The following SPAG1 variants were observed in gnomAD, a reference collection of about 807,000 sequenced individuals.
SPAG1 encodes the protein sperm-associated antigen 1.
A neutral mutation model predicts 100.5 loss-of-function variants in SPAG1; 69 were observed. That is an observed-to-expected ratio of 0.69 (90% confidence interval 0.57 to 0.84). SPAG1 has a LOEUF of 0.84. SPAG1 is among the 40% of genes least tolerant of loss of function. The pLI is 0.00. For synonymous variants in SPAG1, 336 were observed against 411.6 expected, an observed-to-expected ratio of 0.82 and a Z score of 2.22; for missense variants, 955 against 1,133.1, an observed-to-expected ratio of 0.84 and a Z score of 2.26.
Position 100,239,188 on chromosome 8 carries a change from T to C in SPAG1, c.2116-52T>C, listed in dbSNP as rs1223322338. Reference sequence around the variant, plus strand: ...TCCACCCCACTCCCACTCAGGTTACTCTAGGCTCCTTCTATTTATGAAAGT... The same window carrying C: ...TCCACCCCACTCCCACTCAGGTTACCCTAGGCTCCTTCTATTTATGAAAGT... On this transcript the variant is annotated intron_variant, in intron 16 of 18. Coordinates refer to ENST00000388798, the MANE Select transcript of SPAG1 (RefSeq NM_003114.5). The surrounding 1 kb of genome is among the most constrained non-coding windows in gnomAD (Gnocchi z 5.0). 1.6e-6 allele frequency: 2 copies of C among 1,236,024 alleles called. No homozygotes were observed. Among genetic ancestry groups the C allele is most frequent in the Non-Finnish European group, 2.2e-6 (2 of 888,926 alleles). The allele number at this position is 1,236,024 out of a possible 1,614,324, so 76.6% of individuals were successfully genotyped here. A position where few individuals can be genotyped will look rare whatever the true frequency, so the allele number is the denominator to read the frequency against.
At chr8:100,238,860 A>C (rs1379259753) in intron 16 of SPAG1, among the ~76,000 whole-genome samples, 1 of 152,250 alleles carries the variant, frequency 6.6e-6, no homozygotes, top group Non-Finnish European at 1.5e-5. Flanking sequence ...ACTGAAGCCC[A>C]GAAAGGTTAA....
At position 100,187,078 on chromosome 8, in the gene SPAG1, T is replaced by C. The variant is rs775050019; in HGVS notation, c.702-42T>C. ...CTGAATTTCTCTACATTCTTATGTT[T>C]ACCTTAGGCTTGCTTGTTGCCAGTA... On this transcript the variant is annotated intron_variant, in intron 7 of 18. Coordinates refer to ENST00000388798, the MANE Select transcript of SPAG1 (RefSeq NM_003114.5). 13 of 1,573,352 alleles carry C rather than the reference T, an allele frequency of 8.3e-6. No individual in the cohort carries two copies. The South Asian group carries it at 1.2e-4, about 14-fold the overall frequency.
chr8:100,201,961 A>G (rs2453667), intron 10 of SPAG1, among the ~76,000 whole-genome samples: 96,152 of 152,016 alleles, frequency 0.63, 30,846 homozygotes, highest in African/African-American at 0.74. Flanking sequence ...CTCAAAGAGT[A>G]GGGGTCATGG....
At chr8:100,186,010 T>TATG (rs1816569411) in intron 7 of SPAG1, among the ~76,000 whole-genome samples, 2 of 151,886 alleles carry the variant, frequency 1.3e-5, no homozygotes, top group South Asian at 4.2e-4. Context: ...AGCAGCATAG[T>TATG]ATGATGGTTA....
chr8:100,202,361 C>A lies in SPAG1; in HGVS notation c.1096+8093C>A, dbSNP rs1817312799. 1.3e-5 allele frequency among the ~76,000 whole-genome samples: 2 copies of A among 150,834 alleles called. 1 individual carries two copies. Among genetic ancestry groups the A allele is most frequent in the African/African-American group, 4.9e-5 (2 of 41,122 alleles). Reference sequence around the variant, plus strand: ...TTTGTTTAAAAAAAAAAACAAAAAACAAAACAAAAAAACCTGTTCTTTTCC... The same window carrying A: ...TTTGTTTAAAAAAAAAAACAAAAAAAAAAACAAAAAAACCTGTTCTTTTCC... On this transcript the variant is annotated intron_variant, in intron 10 of 18. Coordinates refer to ENST00000388798, the MANE Select transcript of SPAG1 (RefSeq NM_003114.5).
At chr8:100,165,100 C>T (rs1369175288) in intron 2 of SPAG1, 2 of 350,208 alleles carry the variant, frequency 5.7e-6, no homozygotes, top group East Asian at 8.0e-5. Context: ...ACAGATGAGT[C>T]TCATTATTCA....
intron 3 of SPAG1, 148 bp downstream of exon 3, chr8:100,166,121 G>A: frequency 1.6e-6 from 1 of 616,750 alleles, no homozygotes; most frequent in South Asian, 2.3e-5. Context: ...ACACCCAGGG[G>A]AACATTGCGA....
intron 14 of SPAG1, among the ~76,000 whole-genome samples, chr8:100,229,387 G>A (rs181403068): frequency 2.6e-5 from 4 of 152,192 alleles, no homozygotes; most frequent in East Asian, 3.9e-4. Context: ...GCCACCCACC[G>A]CACTCCAGCC....
rs908449602 is a variant in SPAG1 at position 100,216,371 on chromosome 8, G to C, written c.1535+2453G>C. Reference sequence around the variant, plus strand: ...CTAACATTAGAGCTGCTGCAAAAGAGTGGATTTGTGTTGTCCTTATCTGAG... The same window carrying C: ...CTAACATTAGAGCTGCTGCAAAAGACTGGATTTGTGTTGTCCTTATCTGAG... On this transcript the variant is annotated intron_variant, in intron 12 of 18. Coordinates refer to ENST00000388798, the MANE Select transcript of SPAG1 (RefSeq NM_003114.5). Among the ~76,000 whole-genome samples the C allele has an allele frequency of 3.3e-5, 5 of 152,336 alleles. No individual in the cohort carries two copies. In the East Asian group the frequency reaches 9.6e-4, roughly 29 times the overall value.
Position 100,233,551 on chromosome 8 carries a change from C to A in SPAG1, c.2115+14C>A. The stretch of plus-strand genomic sequence containing the variant: ...AAAGGACTCAAGGTGAGGAAATCTT[C>A]ATTTTAATGCATAAACTTCAGCTCT... On this transcript the variant is annotated intron_variant, in intron 16 of 18. Coordinates refer to ENST00000388798, the MANE Select transcript of SPAG1 (RefSeq NM_003114.5). The A allele has an allele frequency of 6.4e-7, 1 of 1,567,626 alleles. No individual in the cohort carries two copies. The highest frequency in any genetic ancestry group is 1.2e-5 in the South Asian group (1 of 86,774).
intron 7 of SPAG1, among the ~76,000 whole-genome samples, chr8:100,185,407 C>A (rs1384054984): frequency 6.6e-6 from 1 of 152,170 alleles, no homozygotes; most frequent in Non-Finnish European, 1.5e-5. Flanking sequence ...CCTCACCTCC[C>A]AATTTATAGG....
In SPAG1 at chr8:100,171,331, G is replaced by A. The variant is rs114534025; in HGVS notation, c.300+5358G>A. ...TCCTGTAATATCACTGTCTGGTTTTGGTAGCAGGGTAATGCTGGCCTCATA... is the reference window on the plus strand; with the variant it reads ...TCCTGTAATATCACTGTCTGGTTTTAGTAGCAGGGTAATGCTGGCCTCATA... On this transcript the variant is annotated intron_variant, in intron 3 of 18. Coordinates refer to ENST00000388798, the MANE Select transcript of SPAG1 (RefSeq NM_003114.5). 5.8e-3 allele frequency among the ~76,000 whole-genome samples: 886 copies of A among 152,266 alleles called. 11 individuals carry two copies. Among genetic ancestry groups the A allele is most frequent in the African/African-American group, 0.02 (834 of 41,558 alleles).
chr8:100,221,813 G>C (rs1586524051), intron 13 of SPAG1, among the ~76,000 whole-genome samples: 1 of 152,202 alleles, frequency 6.6e-6, no homozygotes, highest in African/African-American at 2.4e-5. Flanking sequence ...TGTAGAAAAT[G>C]AGAATGGTAA....
At position 100,194,146 on chromosome 8, in the gene SPAG1, A is replaced by G. The variant is rs755580436; in HGVS notation, c.974A>G (p.Asn325Ser). ...TCAGAGGTTGAAAGAGATCTGAAAAATTCTGAAGCTGCATCTGAGACTCAA... is the reference window on the plus strand; with the variant it reads ...TCAGAGGTTGAAAGAGATCTGAAAAGTTCTGAAGCTGCATCTGAGACTCAA... ...TLSEVERDLK[N>S]SEAASETQTK... is the part of the protein sequence containing the mutation. Residue 325 changes from asparagine (N) to serine (S), a missense_variant, in exon 10 of 19, where the codon AAT (asparagine) becomes AGT (serine). By Grantham distance (46) the Asn-to-Ser change is conservative. Coordinates refer to ENST00000388798, the MANE Select transcript of SPAG1 (RefSeq NM_003114.5). The G allele has an allele frequency of 1.3e-6, 2 of 1,592,154 alleles. No individual in the cohort carries two copies. The highest frequency in any genetic ancestry group is 2.3e-5 in the South Asian group (2 of 85,382).
At chr8:100,160,865 A>G (rs1229382814) in intron 1 of SPAG1, among the ~76,000 whole-genome samples, 1 of 152,232 alleles carries the variant, frequency 6.6e-6, no homozygotes, top group Non-Finnish European at 1.5e-5. Context: ...CAATTTGGGC[A>G]CCACAACCTT....
intron 2 of SPAG1, 80 bp from the exon 3 acceptor site, chr8:100,165,734 T>A: frequency 8.2e-7 from 1 of 1,215,462 alleles, no homozygotes; most frequent in Non-Finnish European, 1.2e-6. Flanking sequence ...CAGGGTTCCA[T>A]GGAACCCAGC....
At chr8:100,211,949 A>G (rs1817734812) in intron 10 of SPAG1, among the ~76,000 whole-genome samples, 1 of 152,228 alleles carries the variant, frequency 6.6e-6, no homozygotes, top group Non-Finnish European at 1.5e-5. Flanking sequence ...GCTTTCACCC[A>G]GTTTCTGGTG....
chr8:100,187,376 C>G, intron 8 of SPAG1, 126 bp downstream of exon 8: 1 of 686,294 alleles, frequency 1.5e-6, no homozygotes. Flanking sequence ...ATGTGAATCA[C>G]CAACTTCATA....
At position 100,202,514 on chromosome 8, in the gene SPAG1, T is replaced by C. The variant is rs1817322860; in HGVS notation, c.1096+8246T>C. Among the ~76,000 whole-genome samples the C allele has an allele frequency of 2.7e-5, 4 of 149,814 alleles. No homozygotes were observed. In the South Asian group the frequency reaches 8.5e-4, roughly 32 times the overall value. On this transcript the variant is annotated intron_variant, in intron 10 of 18. Transcript: ENST00000388798. Reference sequence around the variant, plus strand: ...TCACGAGGTCAGGAGATCGAGACCATCCTGGCTAACACGGTGAAACCCCGT... The same window carrying C: ...TCACGAGGTCAGGAGATCGAGACCACCCTGGCTAACACGGTGAAACCCCGT...
Sources: allele counts gnomAD v4.1 joint callset (sites outside exome capture counted in the v4.1 genomes callset), GRCh38; gene constraint gnomAD v4.1.1; non-coding constraint Gnocchi (gnomAD v3.1); transcripts MANE v1.5; gene names NCBI Gene and HGNC (gene_info 2026-07-23, HGNC 2026-07-21).